The following NAPG variants were observed in gnomAD, a reference collection of about 807,000 sequenced individuals.
NAPG encodes NSF attachment protein gamma.
Under a neutral mutation model 48.4 loss-of-function variants are expected in NAPG, and 25 were observed. The ratio of observed to expected loss-of-function variants is 0.52; its 90% CI spans 0.38 to 0.72. NAPG has a LOEUF of 0.72. NAPG is among the 30% of genes least tolerant of loss of function. The pLI is 0.00. For synonymous variants in NAPG, 139 were observed against 127.2 expected (o/e 1.09, Z -0.62); for missense variants, 359 against 372.5 (o/e 0.96, Z 0.30).
rs757736831 is a variant in NAPG at position 10,539,905 on chromosome 18, G to C, written c.368+34G>C. 10 of 1,611,184 alleles carry C rather than the reference G, an allele frequency of 6.2e-6. No individual in the cohort carries two copies. In the South Asian group the frequency reaches 1.1e-4, roughly 18 times the overall value. On this transcript the variant is annotated intron_variant, in intron 6 of 11. Transcript: ENST00000322897. This position sits in a 1 kb window ranked among gnomAD's most constrained non-coding sequence, Gnocchi z 4.7. ...GAGATGGACAAGTCTCTGCATAGAA[G>C]TCTTGTCTTTTTGTTTTAAAGAGGT...
Position 10,532,911 on chromosome 18 carries a change from A to G in NAPG, c.209+116A>G, listed in dbSNP as rs934949081. On this transcript the variant is annotated intron_variant, in intron 3 of 11. Coordinates refer to ENST00000322897, the MANE Select transcript of NAPG (RefSeq NM_003826.3). ...GAAGTAAAATGTTTTTAAATTAGAAAATGATTAGAAAAATTCTGTATTTTT... is the reference window on the plus strand; with the variant it reads ...GAAGTAAAATGTTTTTAAATTAGAAGATGATTAGAAAAATTCTGTATTTTT... 2.8e-5 allele frequency: 25 copies of G among 883,008 alleles called. No homozygotes were observed. In the Admixed American group the frequency reaches 4.7e-4, roughly 17 times the overall value. 54.7% of individuals were successfully genotyped at this position (883,008 alleles called of 1,614,324 possible).
Position 10,548,200 on chromosome 18 carries a change from A to T in NAPG, c.586-99A>T. On this transcript the variant is annotated intron_variant, in intron 9 of 11. Transcript: ENST00000322897. This position sits in a 1 kb window ranked among gnomAD's most constrained non-coding sequence, Gnocchi z 4.4. ...TATAAATCTCTGTTTATACAAACAA[A>T]GACTCTGAAAGTTAAACTCCAGGTG... is the stretch of plus-strand genomic sequence containing the variant. The T allele has an allele frequency of 1.2e-6, 1 of 818,252 alleles. No homozygotes were observed. Among genetic ancestry groups the T allele is most frequent in the South Asian group, 1.5e-5 (1 of 66,262 alleles). 50.7% of individuals were successfully genotyped at this position (818,252 alleles called of 1,614,324 possible). A position where few individuals can be genotyped will look rare whatever the true frequency, so the allele number is the denominator to read the frequency against.
chr18:10,532,890 T>A, intron 3 of NAPG, 95 bp downstream of exon 3: 1 of 1,032,796 alleles, frequency 9.7e-7, no homozygotes, highest in Non-Finnish European at 1.4e-6. Context: ...ACCTGTGAAG[T>A]AAAATGTTTT....
In NAPG at chr18:10,526,171, C is replaced by T. The variant is rs947197712; in HGVS notation, c.56+13C>T. 6.3e-7 allele frequency: 1 copy of T among 1,590,198 alleles called. No individual in the cohort carries two copies. Among genetic ancestry groups the T allele is most frequent in the Non-Finnish European group, 8.6e-7 (1 of 1,165,232 alleles). Reference sequence around the variant, plus strand: ...AAGCAGAGAAATAGTGAGTGAGAACCTTCCGGGGGCCTGTGTGTAGACGCC... The same window carrying T: ...AAGCAGAGAAATAGTGAGTGAGAACTTTCCGGGGGCCTGTGTGTAGACGCC... On this transcript the variant is annotated intron_variant, in intron 1 of 11. Transcript: ENST00000322897.
At chr18:10,526,483 G>A in intron 1 of NAPG, 2 of 342,632 alleles carry the variant, frequency 5.8e-6, no homozygotes, top group Non-Finnish European at 1.1e-5. Flanking sequence ...TGTGGTGGGG[G>A]CTGTCTGTGC....
At chr18:10,541,011 T>G (rs577952992) in intron 8 of NAPG, among the ~76,000 whole-genome samples, 24 of 152,346 alleles carry the variant, frequency 1.6e-4, no homozygotes, top group South Asian at 2.1e-4. Flanking sequence ...GCAGATATCT[T>G]AATTGAAATT....
chr18:10,530,685 A>G (rs1307414477), intron 1 of NAPG, 85 bp from the exon 2 acceptor site: 2 of 583,586 alleles, frequency 3.4e-6, no homozygotes, highest in South Asian at 5.8e-5. Context: ...TTTTTTTTTT[A>G]AAGACCTAGA....
At position 10,532,704 on chromosome 18, in the gene NAPG, A is replaced by G. The variant is rs757392085; in HGVS notation, c.125-7A>G. ...ATGGAAATAGTCAATTTTTTTTTCT[A>G]TTTCAGCTGTTGCTTTTAAAAATGC... On this transcript the variant is annotated splice_region_variant and splice_polypyrimidine_tract_variant and intron_variant, in intron 2 of 11. Transcript: ENST00000322897. 1.3e-5 allele frequency: 20 copies of G among 1,559,474 alleles called. No homozygotes were observed. Among genetic ancestry groups the G allele is most frequent in the African/African-American group, 2.7e-5 (2 of 73,108 alleles).
rs1474022862 is a variant in NAPG, at chr18:10,543,313, G to A, written c.506+2914G>A. ...AAGAGCTGCTTCTCACCAGTTGTCT[G>A]AGACAGTCACTAGATCCTAAACACA... On this transcript the variant is annotated intron_variant, in intron 8 of 11. Transcript: ENST00000322897. This position sits in a 1 kb window ranked among gnomAD's most constrained non-coding sequence, Gnocchi z 4.4. Among the ~76,000 whole-genome samples, 4 of 152,088 alleles carry A rather than the reference G, an allele frequency of 2.6e-5. No individual in the cohort carries two copies. Among genetic ancestry groups the A allele is most frequent in the Non-Finnish European group, 5.9e-5 (4 of 68,018 alleles).
At position 10,547,437 on chromosome 18, in the gene NAPG, A is replaced by C. The variant is rs550420088; in HGVS notation, c.586-862A>C. Among the ~76,000 whole-genome samples the C allele has an allele frequency of 5.3e-5, 8 of 152,214 alleles. No individual in the cohort carries two copies. In the South Asian group the frequency reaches 1.7e-3, roughly 31 times the overall value. On this transcript the variant is annotated intron_variant, in intron 9 of 11. Transcript: ENST00000322897. The stretch of plus-strand genomic sequence containing the variant: ...GACAACTGATGGCAACCCGGCAGTG[A>C]CCAGGGTTGTTGGCATTATCACATA...
At chr18:10,550,046 A>G (rs747579949) in intron 11 of NAPG, 31 bp from the exon 12 acceptor site, 14 of 1,497,100 alleles carry the variant, frequency 9.4e-6, no homozygotes, top group Middle Eastern at 1.8e-4. Context: ...CTAGTTATCC[A>G]GCTTTTAAGA....
chr18:10,550,496 G>A lies in NAPG; in HGVS notation c.*276G>A, dbSNP rs142060068. The A allele has an allele frequency of 1.4e-3, 388 of 276,738 alleles. 1 individual carries two copies. The highest frequency in any genetic ancestry group is 8.1e-3 in the African/African-American group (357 of 44,034). 17.1% of individuals were successfully genotyped at this position (276,738 alleles called of 1,614,324 possible). ...TTTTAATACATTGATTAAAAAATTT[G>A]CAAGCCAAATTATACATAAATTATG... On this transcript the variant is annotated 3_prime_UTR_variant, in exon 12 of 12. Transcript: ENST00000322897.
At position 10,539,694 on chromosome 18, in the gene NAPG, G is replaced by T; in HGVS notation, c.259-68G>T. 1 of 1,248,810 alleles carries T rather than the reference G, an allele frequency of 8.0e-7. No individual in the cohort carries two copies. The highest frequency in any genetic ancestry group is 1.2e-6 in the Non-Finnish European group (1 of 859,848). 77.4% of individuals were successfully genotyped at this position (1,248,810 alleles called of 1,614,324 possible). A position where few individuals can be genotyped will look rare whatever the true frequency, so the allele number is the denominator to read the frequency against. On this transcript the variant is annotated intron_variant, in intron 5 of 11. Coordinates refer to ENST00000322897, the MANE Select transcript of NAPG (RefSeq NM_003826.3). This position sits in a 1 kb window ranked among gnomAD's most constrained non-coding sequence, Gnocchi z 4.7. ...TAAAATAAAAAATAATTGCATTTCA[G>T]ATTGTTAACTCTGTTTTTCTTTAAT... is the stretch of plus-strand genomic sequence containing the variant.
chr18:10,535,054 A>G (rs2032004038), intron 5 of NAPG, among the ~76,000 whole-genome samples: 1 of 152,260 alleles, frequency 6.6e-6, no homozygotes, highest in Non-Finnish European at 1.5e-5. Context: ...AGAACATACT[A>G]CTTTATGATG....
In NAPG at chr18:10,539,508, G is replaced by C. The variant is rs2032102605; in HGVS notation, c.259-254G>C. On this transcript the variant is annotated intron_variant, in intron 5 of 11. Transcript: ENST00000322897. This position sits in a 1 kb window ranked among gnomAD's most constrained non-coding sequence, Gnocchi z 4.7. ...AGGGGAACATCACACTCCTGGGCCT[G>C]TCGGGGGCTGGGGAATAAGGGGAGG... 2.6e-6 allele frequency: 1 copy of C among 390,412 alleles called. No homozygotes were observed. Among genetic ancestry groups the C allele is most frequent in the African/African-American group, 2.1e-5 (1 of 48,770 alleles). 24.2% of individuals were successfully genotyped at this position (390,412 alleles called of 1,614,324 possible). A position where few individuals can be genotyped will look rare whatever the true frequency, so the allele number is the denominator to read the frequency against.
In NAPG at chr18:10,551,414, A is replaced by C. The variant is rs1275016633; in HGVS notation, c.*1194A>C. Reference sequence around the variant, plus strand: ...ATGAAAACTTAGCTGAAAGGGAAGAATTGTTTTAGAAAGACAATATTTAAA... The same window carrying C: ...ATGAAAACTTAGCTGAAAGGGAAGACTTGTTTTAGAAAGACAATATTTAAA... On this transcript the variant is annotated 3_prime_UTR_variant, in exon 12 of 12. Transcript: ENST00000322897. 6.6e-6 allele frequency: 1 copy of C among 152,232 alleles called. No homozygotes were observed. Among genetic ancestry groups the C allele is most frequent in the Non-Finnish European group, 1.5e-5 (1 of 68,042 alleles). The allele number at this position is 152,232 out of a possible 1,614,324, so 9.4% of individuals were successfully genotyped here.
intron 5 of NAPG, among the ~76,000 whole-genome samples, chr18:10,538,962 G>A (rs764130357): frequency 1.3e-5 from 2 of 152,060 alleles, no homozygotes; most frequent in Admixed American, 6.5e-5. Flanking sequence ...GAGATCTCAC[G>A]CCAGTCAGAA....
chr18:10,549,935 T>C, intron 11 of NAPG, 142 bp from the exon 12 acceptor site: 1 of 716,380 alleles, frequency 1.4e-6, no homozygotes. Context: ...GGGAGCAGCA[T>C]TGTTGGGCTT....
In NAPG at chr18:10,546,455, A is replaced by G. The variant is rs892132565; in HGVS notation, c.585+51A>G. 14 of 1,057,864 alleles carry G rather than the reference A, an allele frequency of 1.3e-5. No individual in the cohort carries two copies. Among genetic ancestry groups the G allele is most frequent in the Non-Finnish European group, 1.8e-5 (13 of 724,940 alleles). The allele number at this position is 1,057,864 out of a possible 1,614,324, so 65.5% of individuals were successfully genotyped here. ...GGTATTACATTAGATGATTTTTTAT[A>G]CTGGTATGAATAAGTACTTAAGAAA... On this transcript the variant is annotated intron_variant, in intron 9 of 11. Coordinates refer to ENST00000322897, the MANE Select transcript of NAPG (RefSeq NM_003826.3). This position sits in a 1 kb window ranked among gnomAD's most constrained non-coding sequence, Gnocchi z 4.0.
Sources: allele counts gnomAD v4.1 joint callset (sites outside exome capture counted in the v4.1 genomes callset), GRCh38; gene constraint gnomAD v4.1.1; non-coding constraint Gnocchi (gnomAD v3.1); transcripts MANE v1.5; gene names NCBI Gene and HGNC (gene_info 2026-07-23, HGNC 2026-07-21).